Variants in GRIN2A observed in about 807,000 individuals in gnomAD.
The protein encoded by GRIN2A is glutamate ionotropic receptor NMDA type subunit 2A.
A neutral mutation model predicts 113.4 loss-of-function variants in GRIN2A; 22 were observed. That is an observed-to-expected ratio of 0.19 (90% confidence interval 0.14 to 0.28). The LOEUF is 0.28. GRIN2A is among the 10% of genes least tolerant of loss of function. GRIN2A has a pLI of 1.00. For missense variants in GRIN2A, 1,502 were observed against 1,887.0 expected, an observed-to-expected ratio of 0.80 and a Z score of 3.78; for synonymous variants, 827 against 738.4, an observed-to-expected ratio of 1.12 and a Z score of -1.94.
In GRIN2A at chr16:10,111,756, C is replaced by T. The variant is rs1243522556; in HGVS notation, c.414+68242G>A. On this transcript the variant is annotated intron_variant, in intron 2 of 12. Transcript: ENST00000330684. Reference sequence around the variant, plus strand: ...ACCCCGTGGTGCTGAGCCCCTCACACACTGTGGGTGATGTGCTGGAGGCCA... The same window carrying T: ...ACCCCGTGGTGCTGAGCCCCTCACATACTGTGGGTGATGTGCTGGAGGCCA... The T allele has an allele frequency of 3.3e-6, 5 of 1,508,806 alleles. No homozygotes were observed. In the East Asian group the frequency reaches 9.0e-5, roughly 27 times the overall value. 93.5% of individuals were successfully genotyped at this position (1,508,806 alleles called of 1,614,324 possible).
intron 2 of GRIN2A, among the ~76,000 whole-genome samples, chr16:10,041,390 T>C (rs2047164540): frequency 6.6e-6 from 1 of 152,176 alleles, no homozygotes; most frequent in East Asian, 1.9e-4. Flanking sequence ...AAATGACAAA[T>C]TCTTTTGTAA....
chr16:9,986,591 C>T (rs2045982846), intron 2 of GRIN2A, among the ~76,000 whole-genome samples: 1 of 151,660 alleles, frequency 6.6e-6, no homozygotes, highest in Admixed American at 6.6e-5. Flanking sequence ...AGTGAAACCC[C>T]GTCTCTACTA....
intron 7 of GRIN2A, among the ~76,000 whole-genome samples, chr16:9,838,055 G>T (rs1250005730): frequency 6.6e-5 from 10 of 152,174 alleles, no homozygotes; most frequent in Non-Finnish European, 1.5e-4. Flanking sequence ...AAACATGAAA[G>T]TTTCACTGGA....
intron 2 of GRIN2A, among the ~76,000 whole-genome samples, chr16:10,104,777 G>A (rs1001136436): frequency 4.6e-5 from 7 of 152,096 alleles, no homozygotes; most frequent in East Asian, 3.9e-4. Context: ...CATGAACATC[G>A]TAGACCCCAC....
chr16:9,767,155 C>T (rs981232240), intron 12 of GRIN2A, among the ~76,000 whole-genome samples: 4 of 152,160 alleles, frequency 2.6e-5, no homozygotes, highest in African/African-American at 7.2e-5. Flanking sequence ...TATGCACGTA[C>T]GTTGTTATTT....
At chr16:9,923,592 G>T (rs2044397912) in intron 3 of GRIN2A, among the ~76,000 whole-genome samples, 1 of 151,402 alleles carries the variant, frequency 6.6e-6, no homozygotes, top group Non-Finnish European at 1.5e-5. Flanking sequence ...TAATGTTAGT[G>T]GTTTGTTTAG....
At position 9,849,980 on chromosome 16, in the gene GRIN2A, G is replaced by A; in HGVS notation, c.1123-19C>T. The A allele has an allele frequency of 6.2e-7, 1 of 1,603,826 alleles. No homozygotes were observed. The highest frequency in any genetic ancestry group is 8.5e-7 in the Non-Finnish European group (1 of 1,170,936). On this transcript the variant is annotated intron_variant, in intron 4 of 12. Transcript: ENST00000330684. ...TGCCCACCTGCAGCACAAACACAAA[G>A]ACACAGCTGTGCTTTCTTCCGCCGC...
At chr16:10,071,876 A>G (rs1210722463) in intron 2 of GRIN2A, among the ~76,000 whole-genome samples, 2 of 152,238 alleles carry the variant, frequency 1.3e-5, no homozygotes, top group Admixed American at 6.5e-5. Flanking sequence ...AGACAACCCT[A>G]TAGGTACAGT....
At position 10,003,915 on chromosome 16, in the gene GRIN2A, T is replaced by C. The variant is rs567510949; in HGVS notation, c.415-65364A>G. On this transcript the variant is annotated intron_variant, in intron 2 of 12. Transcript: ENST00000330684. ...AGGTAATGGATCATGCAGTCACACG[T>C]CCGCATTGCCTCACCTGCTCTATTT... 2.6e-5 allele frequency among the ~76,000 whole-genome samples: 4 copies of C among 152,266 alleles called. No individual in the cohort carries two copies. The South Asian group carries it at 8.3e-4, about 32-fold the overall frequency.
chr16:10,118,095 T>C (rs558884824), intron 2 of GRIN2A, among the ~76,000 whole-genome samples: 1 of 152,320 alleles, frequency 6.6e-6, no homozygotes, highest in South Asian at 2.1e-4. Context: ...TGAACATCTG[T>C]TGTGGCTGGT....
intron 7 of GRIN2A, among the ~76,000 whole-genome samples, chr16:9,836,569 C>T (rs1399752750): frequency 2.0e-5 from 3 of 152,138 alleles, no homozygotes; most frequent in Non-Finnish European, 4.4e-5. Flanking sequence ...CACATGTCTC[C>T]CCACTTGGAA....
Position 10,145,437 on chromosome 16 carries a change from C to T in GRIN2A, c.414+34561G>A, listed in dbSNP as rs139335588. 3.5e-3 allele frequency among the ~76,000 whole-genome samples: 533 copies of T among 152,124 alleles called. 4 individuals carry two copies. Among genetic ancestry groups the T allele is most frequent in the African/African-American group, 0.012 (504 of 41,482 alleles). ...CCATGGTTTCACAGGCACATGCATA[C>T]ATCCAAACTCATCAAATTATGTATA... On this transcript the variant is annotated intron_variant, in intron 2 of 12. Coordinates refer to ENST00000330684, the MANE Select transcript of GRIN2A (RefSeq NM_001134407.3).
rs75292469 is a variant in GRIN2A at position 9,979,058 on chromosome 16, G to T, written c.415-40507C>A. Among the ~76,000 whole-genome samples the T allele has an allele frequency of 5.5e-3, 841 of 152,250 alleles. 7 individuals carry two copies. The highest frequency in any genetic ancestry group is 0.019 in the African/African-American group (798 of 41,542). On this transcript the variant is annotated intron_variant, in intron 2 of 12. Transcript: ENST00000330684. ...CTTACAATGCGGGTCCCTCACTCTG[G>T]TTATGCCAAGCACAGCTTAAACTGA...
intron 2 of GRIN2A, among the ~76,000 whole-genome samples, chr16:10,164,138 C>T (rs997455443): frequency 5.9e-5 from 9 of 152,162 alleles, no homozygotes; most frequent in East Asian, 1.9e-4. Context: ...TGGCTCTCTC[C>T]GGGGTAGGGG....
Position 9,952,268 on chromosome 16 carries a change from C to A in GRIN2A, c.415-13717G>T, listed in dbSNP as rs567684355. On this transcript the variant is annotated intron_variant, in intron 2 of 12. Coordinates refer to ENST00000330684, the MANE Select transcript of GRIN2A (RefSeq NM_001134407.3). The stretch of plus-strand genomic sequence containing the variant: ...GAGGAAGGGGACCCACCCAACCCAG[C>A]AAGAGAGGGTGAAAGGGTTCCCAGT... Among the ~76,000 whole-genome samples the A allele has an allele frequency of 3.3e-5, 5 of 152,192 alleles. No individual in the cohort carries two copies. In the South Asian group the frequency reaches 1.0e-3, roughly 32 times the overall value.
At chr16:9,984,367 C>A (rs1283883846) in intron 2 of GRIN2A, among the ~76,000 whole-genome samples, 1 of 152,028 alleles carries the variant, frequency 6.6e-6, no homozygotes, top group African/African-American at 2.4e-5. Flanking sequence ...GAAGCTTTTA[C>A]ATTTGTCTAT....
intron 8 of GRIN2A, among the ~76,000 whole-genome samples, chr16:9,831,069 G>A (rs566098283): frequency 2.3e-4 from 35 of 152,250 alleles, no homozygotes; most frequent in Non-Finnish European, 3.8e-4. Flanking sequence ...AAAGTGCAGC[G>A]AAATGTAACA....
intron 2 of GRIN2A, among the ~76,000 whole-genome samples, chr16:10,142,237 C>A (rs980383835): frequency 6.6e-5 from 10 of 152,196 alleles, no homozygotes; most frequent in Non-Finnish European, 7.3e-5. Flanking sequence ...GGGTCACACA[C>A]ACACACACTC....
chr16:10,063,278 G>A (rs765381390), intron 2 of GRIN2A, among the ~76,000 whole-genome samples: 1 of 152,186 alleles, frequency 6.6e-6, no homozygotes, highest in Non-Finnish European at 1.5e-5. Context: ...TCACTACTTG[G>A]ATGATGGGAC....
Sources: allele counts gnomAD v4.1 joint callset (sites outside exome capture counted in the v4.1 genomes callset), GRCh38; gene constraint gnomAD v4.1.1; transcripts MANE v1.5; gene names NCBI Gene and HGNC (gene_info 2026-07-23, HGNC 2026-07-21).